The following GRAMD2B variants were observed in gnomAD, a reference collection of about 807,000 sequenced individuals.
The protein encoded by GRAMD2B is GRAM domain-containing protein 2B.
A neutral mutation model predicts 59.2 loss-of-function variants in GRAMD2B; 41 were observed. The observed-to-expected ratio is 0.69, with a 90% CI of 0.54 to 0.90. The LOEUF is 0.90. Among genes scored for constraint, GRAMD2B ranks in the 40% least tolerant of loss-of-function variants. GRAMD2B has a pLI of 0.00. For synonymous variants in GRAMD2B, 161 were observed against 182.7 expected (o/e 0.88, Z 0.96); for missense variants, 424 against 500.5 (o/e 0.85, Z 1.46).
In GRAMD2B at chr5:126,360,399, T is replaced by C. The variant is rs765366010; in HGVS notation, c.68T>C (p.Met23Thr). 2.4e-5 allele frequency: 38 copies of C among 1,551,424 alleles called. No individual in the cohort carries two copies. The African/African-American group carries it at 4.9e-4, about 20-fold the overall frequency. The stretch of plus-strand genomic sequence containing the variant: ...CAGCAAACATTCCAAGCACAGCTTA[T>C]GCCCTGGAAGAGTATGTTCCACGGG... The change falls in exon 1 of 14, where the codon ATG (methionine) becomes ACG (threonine). Residue 23 changes from methionine (M) to threonine (T), a missense_variant. Coordinates refer to the GRAMD2B transcript ENST00000513040.
At position 126,480,495 on chromosome 5, in the gene GRAMD2B, A is replaced by G; in HGVS notation, c.622A>G (p.Lys208Glu). The G allele has an allele frequency of 6.2e-7, 1 of 1,613,448 alleles. No homozygotes were observed. ...VSLLSRDSTY[K>E]LLKSVCGHLE... ...CTTACTCTCCAGAGATTCAACTTAC[A>G]AACTACTAAAATCTGTGTGTGGACA... The change falls in exon 7 of 14, where the codon AAA (lysine) becomes GAA (glutamate). Residue 208 changes from lysine to glutamate, a missense_variant. Coordinates refer to ENST00000285689, the MANE Select transcript of GRAMD2B (RefSeq NM_023927.4).
At chr5:126,423,817 C>G in intron 1 of GRAMD2B, 128 bp downstream of exon 1, 1 of 727,450 alleles carries the variant, frequency 1.4e-6, no homozygotes, top group Non-Finnish European at 2.2e-6. Context: ...TTGTGGCGCG[C>G]TCTCTCTGTC....
intron 1 of GRAMD2B, among the ~76,000 whole-genome samples, chr5:126,387,773 C>T (rs1467734441): frequency 1.3e-5 from 2 of 151,884 alleles, no homozygotes; most frequent in Non-Finnish European, 2.9e-5. Context: ...TCAACAGAGA[C>T]TATATATACA....
intron 1 of GRAMD2B, among the ~76,000 whole-genome samples, chr5:126,380,412 A>AT (rs370182664): frequency 3.2e-3 from 478 of 149,152 alleles, no homozygotes; most frequent in Non-Finnish European, 5.0e-3. Context: ...GAATTTTAGG[A>AT]TTTTTTTTTT....
intron 1 of GRAMD2B, among the ~76,000 whole-genome samples, chr5:126,461,223 C>T (rs995536756): frequency 2.6e-5 from 4 of 152,102 alleles, no homozygotes; most frequent in Non-Finnish European, 5.9e-5. Flanking sequence ...CCAGCAGGAG[C>T]GGCAAAGGGC....
intron 13 of GRAMD2B, 117 bp from the exon 14 acceptor site, chr5:126,492,798 T>G (rs1774183267): frequency 1.6e-6 from 1 of 637,760 alleles, no homozygotes; most frequent in African/African-American, 1.8e-5. Context: ...ATTTAACCCT[T>G]TTGTAGCTTT....
At chr5:126,421,500 G>A (rs1759724944), upstream of GRAMD2B, among the ~76,000 whole-genome samples, 1 of 152,154 alleles carries the variant, frequency 6.6e-6, no homozygotes, top group African/African-American at 2.4e-5. Context: ...AAGCTTTCAG[G>A]TCACCCAGAG....
Position 126,437,027 on chromosome 5 carries a change from A to C in GRAMD2B, c.83+13338A>C, listed in dbSNP as rs1580981278. Reference sequence around the variant, plus strand: ...ACATAAGGCAGAAGCAGTAGGATGGAGGAAGGTCCCAGAGGACATGTTTTT... The same window carrying C: ...ACATAAGGCAGAAGCAGTAGGATGGCGGAAGGTCCCAGAGGACATGTTTTT... On this transcript the variant is annotated intron_variant, in intron 1 of 13. Transcript: ENST00000285689. Among the ~76,000 whole-genome samples the C allele has an allele frequency of 2.0e-5, 3 of 152,358 alleles. No individual in the cohort carries two copies. In the East Asian group the frequency reaches 5.8e-4, roughly 29 times the overall value.
intron 1 of GRAMD2B, among the ~76,000 whole-genome samples, chr5:126,434,611 G>A (rs557321547): frequency 2.4e-4 from 37 of 151,838 alleles, no homozygotes; most frequent in African/African-American, 4.3e-4. Context: ...TCCGCCTCCC[G>A]GGTCCACACC....
At chr5:126,398,154 T>G (rs566798559) in intron 1 of GRAMD2B, among the ~76,000 whole-genome samples, 2 of 151,374 alleles carry the variant, frequency 1.3e-5, no homozygotes, top group African/African-American at 2.4e-5. Context: ...CTTCCAAGTT[T>G]CAGGGATCAC....
chr5:126,411,563 T>C (rs1758794190), intron 1 of GRAMD2B, among the ~76,000 whole-genome samples: 1 of 152,180 alleles, frequency 6.6e-6, no homozygotes, highest in South Asian at 2.1e-4. Context: ...TTCTTTTTGC[T>C]CACAATTCCC....
chr5:126,360,887 C>T (rs1327644768), intron 1 of GRAMD2B, among the ~76,000 whole-genome samples: 1 of 152,146 alleles, frequency 6.6e-6, no homozygotes, highest in Non-Finnish European at 1.5e-5. Context: ...AAGATATTTG[C>T]ATGAAGTCAC....
intron 2 of GRAMD2B, among the ~76,000 whole-genome samples, chr5:126,466,725 A>G (rs369873717): frequency 1.3e-5 from 2 of 151,960 alleles, no homozygotes; most frequent in Non-Finnish European, 1.5e-5. Context: ...TTTTTCCTCT[A>G]GTTGTTTCCC....
chr5:126,372,516 A>G (rs1431592041), intron 1 of GRAMD2B, among the ~76,000 whole-genome samples: 1 of 152,174 alleles, frequency 6.6e-6, no homozygotes, highest in African/African-American at 2.4e-5. Flanking sequence ...ATTTAATTGC[A>G]TTCACATATC....
At chr5:126,487,431 A>C (rs1291533533) in intron 12 of GRAMD2B, among the ~76,000 whole-genome samples, 1 of 152,196 alleles carries the variant, frequency 6.6e-6, no homozygotes, top group Non-Finnish European at 1.5e-5. Flanking sequence ...TGTGACTAGT[A>C]ATTAATTGAA....
chr5:126,466,354 C>A, intron 2 of GRAMD2B: 1 of 1,048,980 alleles, frequency 9.5e-7, no homozygotes, highest in Non-Finnish European at 1.5e-6. Context: ...TTAACTCCTC[C>A]CGAAATTTTC....
At chr5:126,360,276 A>G in exon 1 of GRAMD2B, 1 of 1,545,420 alleles carries the variant, frequency 6.5e-7, no homozygotes, top group Non-Finnish European at 8.7e-7. Flanking sequence ...GTGTAAATAC[A>G]AAGTTCCTTC....
chr5:126,465,582 C>G (rs1768181705), intron 2 of GRAMD2B, 37 bp downstream of exon 2: 1 of 1,597,058 alleles, frequency 6.3e-7, no homozygotes, highest in East Asian at 2.2e-5. Context: ...TCTCTTTTGT[C>G]TTTTGGGGAG....
rs1312734256 is a variant in GRAMD2B, at chr5:126,486,925, C to G, written c.1111C>G (p.Leu371Val). 6 of 1,612,374 alleles carry G rather than the reference C, an allele frequency of 3.7e-6. No individual in the cohort carries two copies. Among genetic ancestry groups the G allele is most frequent in the Non-Finnish European group, 5.1e-6 (6 of 1,178,850 alleles). ...CTACATGAGATACAGAATTAATACT[C>G]TGGAGGAGCAGCTGGGGTTACTAAC... The part of the protein sequence containing the change: ...TFYMRYRINT[L>V]EEQLGLLTSI... The change falls in exon 12 of 14, where the codon CTG becomes GTG. Residue 371 changes from leucine to valine, a missense_variant. By Grantham distance (32) the Leu-to-Val change is conservative. Coordinates refer to ENST00000285689, the MANE Select transcript of GRAMD2B (RefSeq NM_023927.4).
Sources: gnomAD v4.1 joint callset for allele counts (sites outside exome capture counted in the v4.1 genomes callset) on GRCh38, gnomAD v4.1.1 for gene constraint, MANE v1.5 for transcripts, NCBI Gene and HGNC (gene_info 2026-07-23, HGNC 2026-07-21) for gene names.